Variants in RADIL observed in about 807,000 individuals in gnomAD.
RADIL encodes ras-associating and dilute domain-containing protein.
Under a neutral mutation model 97.6 loss-of-function variants are expected in RADIL, and 99 were observed. The observed-to-expected ratio is 1.01, with a 90% confidence interval of 0.86 to 1.20. RADIL has a LOEUF of 1.20. Among genes scored for constraint, RADIL ranks in the 50% most tolerant of loss-of-function variants. The pLI, the probability that RADIL is intolerant of heterozygous loss-of-function variation, is 0.00. For missense variants in RADIL, 1,765 were observed against 1,498.9 expected, an observed-to-expected ratio of 1.18 and a Z score of -2.93; for synonymous variants, 803 against 691.8, an observed-to-expected ratio of 1.16 and a Z score of -2.52.
intron 9 of RADIL, among the ~76,000 whole-genome samples, chr7:4,811,479 C>CTTTTTTTTTTTTTTTTTTTTTTTTTTT (rs35136302): frequency 1.7e-5 from 1 of 59,046 alleles, no homozygotes; most frequent in Non-Finnish European, 3.1e-5. Context: ...GGTATTATTT[C>CTTTTTTTTTTTTTTTTTTTTTTTTTTT]TTTTTTTTTT....
chr7:4,801,167 G>T (rs1030661220), intron 12 of RADIL, among the ~76,000 whole-genome samples: 2 of 151,764 alleles, frequency 1.3e-5, no homozygotes, highest in African/African-American at 4.8e-5. Flanking sequence ...ACACCATGCA[G>T]ACACACCCAT....
At chr7:4,806,982 A>T (rs557241335) in intron 9 of RADIL, among the ~76,000 whole-genome samples, 2 of 152,186 alleles carry the variant, frequency 1.3e-5, no homozygotes, top group East Asian at 3.9e-4. Flanking sequence ...TTTTGCTGTA[A>T]GCCCACTCTT....
Position 4,854,421 on chromosome 7 carries a change from C to A in RADIL, c.536-17816G>T, listed in dbSNP as rs7385698. Among the ~76,000 whole-genome samples the A allele has an allele frequency of 0.42, 63,852 of 152,024 alleles. 14,072 individuals carry two copies. The highest frequency in any genetic ancestry group is 0.53 in the African/African-American group (21,986 of 41,446). Reference sequence around the variant, plus strand: ...AGAGGTTACCACTTTGGGCCGGGCGCGGTGGCTCACGCCTGTAATCCCAGC... The same window carrying A: ...AGAGGTTACCACTTTGGGCCGGGCGAGGTGGCTCACGCCTGTAATCCCAGC... On this transcript the variant is annotated intron_variant, in intron 2 of 14. Transcript: ENST00000399583. The surrounding 1 kb of genome is among the most constrained non-coding windows in gnomAD (Gnocchi z 5.1).
Position 4,817,062 on chromosome 7 carries a change from G to A in RADIL, c.1728+177C>T, listed in dbSNP as rs1053559619. Among the ~76,000 whole-genome samples, 65 of 152,272 alleles carry A rather than the reference G, an allele frequency of 4.3e-4. No individual in the cohort carries two copies. The highest frequency in any genetic ancestry group is 7.4e-4 in the Non-Finnish European group (50 of 67,998). The stretch of plus-strand genomic sequence containing the variant: ...GCGACCTGAGGAGGAGCGGGTGTGG[G>A]GGGTGCAGCTGGGCCTGTGCAGAAC... On this transcript the variant is annotated intron_variant, in intron 7 of 14. Coordinates refer to ENST00000399583, the MANE Select transcript of RADIL (RefSeq NM_018059.5). This position sits in a 1 kb window ranked among gnomAD's most constrained non-coding sequence, Gnocchi z 8.3.
At position 4,835,704 on chromosome 7, in the gene RADIL, C is replaced by T. The variant is rs1292620435; in HGVS notation, c.784-465G>A. 6.6e-6 allele frequency among the ~76,000 whole-genome samples: 1 copy of T among 152,152 alleles called. No individual in the cohort carries two copies. The highest frequency in any genetic ancestry group is 1.5e-5 in the Non-Finnish European group (1 of 68,036). ...GCCACCTAAAACCTGGGCACAGGAG[C>T]CCTATGGCTGTAAAGTGCTCATGGA... On this transcript the variant is annotated intron_variant, in intron 3 of 14. Coordinates refer to ENST00000399583, the MANE Select transcript of RADIL (RefSeq NM_018059.5). The surrounding 1 kb of genome is among the most constrained non-coding windows in gnomAD (Gnocchi z 5.8).
In RADIL at chr7:4,817,478, C is replaced by G. The variant is rs760718181; in HGVS notation, c.1616-127G>C. 8.1e-6 allele frequency: 6 copies of G among 738,232 alleles called. No individual in the cohort carries two copies. The highest frequency in any genetic ancestry group is 1.3e-5 in the Non-Finnish European group (6 of 461,286). The allele number at this position is 738,232 out of a possible 1,614,324, so 45.7% of individuals were successfully genotyped here. A position where few individuals can be genotyped will look rare whatever the true frequency, so the allele number is the denominator to read the frequency against. On this transcript the variant is annotated intron_variant, in intron 6 of 14. Transcript: ENST00000399583. This position sits in a 1 kb window ranked among gnomAD's most constrained non-coding sequence, Gnocchi z 8.3. ...AACGCGCCCATCTGGGGTCCAGATGCGATAAACTGGCCGAGGGACTCTGGG... is the reference window on the plus strand; with the variant it reads ...AACGCGCCCATCTGGGGTCCAGATGGGATAAACTGGCCGAGGGACTCTGGG...
intron 2 of RADIL, among the ~76,000 whole-genome samples, chr7:4,876,705 T>C (rs533735062): frequency 6.6e-6 from 1 of 152,308 alleles, no homozygotes; most frequent in South Asian, 2.1e-4. Context: ...GCTCTCAAAC[T>C]CTGCGGCAGG....
chr7:4,836,080 G>A (rs564643653), intron 3 of RADIL, among the ~76,000 whole-genome samples: 1 of 152,228 alleles, frequency 6.6e-6, no homozygotes, highest in African/African-American at 2.4e-5. Context: ...GGCGTGAGGA[G>A]TTCTCCCTGA....
chr7:4,841,825 T>C (rs10225766), intron 2 of RADIL, among the ~76,000 whole-genome samples: 82,976 of 152,058 alleles, frequency 0.55, 23,989 homozygotes, highest in African/African-American at 0.74. Flanking sequence ...TCCCAGCACT[T>C]TGGGAGGCCG....
At position 4,822,582 on chromosome 7, in the gene RADIL, C is replaced by T. The variant is rs768984244; in HGVS notation, c.1455-28G>A. The T allele has an allele frequency of 1.0e-5, 16 of 1,604,450 alleles. No individual in the cohort carries two copies. Among genetic ancestry groups the T allele is most frequent in the African/African-American group, 2.7e-5 (2 of 74,694 alleles). ...ACCAAGACAGAAAGACTAAGAGTTA[C>T]GCGGGGACCCGACCCTCAGGAGGCT... On this transcript the variant is annotated intron_variant, in intron 5 of 14. Transcript: ENST00000399583. This position sits in a 1 kb window ranked among gnomAD's most constrained non-coding sequence, Gnocchi z 5.3.
chr7:4,877,546 C>T (rs184565950), intron 2 of RADIL, 59 bp downstream of exon 2: 110 of 1,525,192 alleles, frequency 7.2e-5, no homozygotes, highest in Admixed American at 7.0e-4. Context: ...CCGCCTACCT[C>T]GGCTGGCCTT....
chr7:4,815,483 G>A lies in RADIL; in HGVS notation c.1967-33C>T, dbSNP rs1262761074. The A allele has an allele frequency of 2.0e-5, 29 of 1,468,178 alleles. No homozygotes were observed. The highest frequency in any genetic ancestry group is 2.5e-5 in the Non-Finnish European group (28 of 1,105,698). The allele number at this position is 1,468,178 out of a possible 1,614,324, so 90.9% of individuals were successfully genotyped here. A position where few individuals can be genotyped will look rare whatever the true frequency, so the allele number is the denominator to read the frequency against. On this transcript the variant is annotated intron_variant, in intron 8 of 14. Transcript: ENST00000399583. This position sits in a 1 kb window ranked among gnomAD's most constrained non-coding sequence, Gnocchi z 8.0. ...GGGAAGAAGGGAGGGTGATGCCTGG[G>A]CTGCCCTCCTGGGGGGACACAGACA...
At position 4,798,778 on chromosome 7, in the gene RADIL, C is replaced by CA. The variant is rs1225504129; in HGVS notation, c.*599dup. On this transcript the variant is annotated 3_prime_UTR_variant, in exon 15 of 15. Transcript: ENST00000399583. ...AGGGCCCAGGGTGGGCTCGGCGCCT[C>CA]AGAGACCATCAGGCCGGTCCACTTT... 1 of 153,290 alleles carries CA rather than the reference C, an allele frequency of 6.5e-6. No homozygotes were observed. Among genetic ancestry groups the CA allele is most frequent in the Non-Finnish European group, 1.5e-5 (1 of 68,872 alleles). 9.5% of individuals were successfully genotyped at this position (153,290 alleles called of 1,614,324 possible).
In RADIL at chr7:4,818,234, G is replaced by A. The variant is rs547955452; in HGVS notation, c.1616-883C>T. On this transcript the variant is annotated intron_variant, in intron 6 of 14. Coordinates refer to ENST00000399583, the MANE Select transcript of RADIL (RefSeq NM_018059.5). This position sits in a 1 kb window ranked among gnomAD's most constrained non-coding sequence, Gnocchi z 7.1. ...CGCCTGCCAGGGCTGCATGGGCGGC[G>A]CCTGGTGAGCCAGGCCAACACTCAC... Among the ~76,000 whole-genome samples the A allele has an allele frequency of 1.8e-3, 281 of 152,310 alleles. 1 individual carries two copies. Among genetic ancestry groups the A allele is most frequent in the African/African-American group, 6.4e-3 (268 of 41,570 alleles).
chr7:4,813,385 C>T lies in RADIL; in HGVS notation c.2139+1893G>A, dbSNP rs896435295. Among the ~76,000 whole-genome samples the T allele has an allele frequency of 5.9e-5, 9 of 152,206 alleles. No homozygotes were observed. The highest frequency in any genetic ancestry group is 4.6e-4 in the Admixed American group (7 of 15,284). ...TGAAGGCACCACAGATTCCACTCCC[C>T]TTTTCAATGCTTTTGGTTCCGTTTT... On this transcript the variant is annotated intron_variant, in intron 9 of 14. Transcript: ENST00000399583. The surrounding 1 kb of genome is among the most constrained non-coding windows in gnomAD (Gnocchi z 5.0).
chr7:4,817,182 G>C lies in RADIL; in HGVS notation c.1728+57C>G. The C allele has an allele frequency of 6.7e-7, 1 of 1,487,618 alleles. No homozygotes were observed. Among genetic ancestry groups the C allele is most frequent in the Admixed American group, 1.8e-5 (1 of 56,402 alleles). The allele number at this position is 1,487,618 out of a possible 1,614,324, so 92.2% of individuals were successfully genotyped here. On this transcript the variant is annotated intron_variant, in intron 7 of 14. Transcript: ENST00000399583. The surrounding 1 kb of genome is among the most constrained non-coding windows in gnomAD (Gnocchi z 8.3). The stretch of plus-strand genomic sequence containing the variant: ...TTAGGAGAGCCACAGGCACAAGCTT[G>C]AGCCCCACTTGATCCCAGGAGCTGC...
intron 9 of RADIL, 108 bp from the exon 10 acceptor site, chr7:4,805,824 G>C: frequency 6.8e-7 from 1 of 1,463,836 alleles, no homozygotes; most frequent in East Asian, 2.4e-5. Context: ...GAGGGGCCCT[G>C]TGGTCCTCAC....
chr7:4,841,204 G>A (rs369005630), intron 2 of RADIL, among the ~76,000 whole-genome samples: 29 of 152,342 alleles, frequency 1.9e-4, no homozygotes, highest in African/African-American at 6.0e-4. Flanking sequence ...AAGACAGGCC[G>A]AGGTCAGCTG....
intron 2 of RADIL, among the ~76,000 whole-genome samples, chr7:4,843,251 G>A (rs1187858420): frequency 2.0e-5 from 3 of 151,514 alleles, no homozygotes; most frequent in African/African-American, 7.3e-5. Context: ...CTGACCTCGT[G>A]ATCCGCCTGC....
Sources: gnomAD v4.1 joint callset for allele counts (sites outside exome capture counted in the v4.1 genomes callset) on GRCh38, gnomAD v4.1.1 for gene constraint, Gnocchi (gnomAD v3.1) non-coding constraint, MANE v1.5 for transcripts, NCBI Gene and HGNC (gene_info 2026-07-23, HGNC 2026-07-21) for gene names.